IL21R: variants seen among roughly 807,000 people sequenced by gnomAD.
The protein encoded by IL21R is interleukin 21 receptor, also known as interleukin-21 receptor.
Under a neutral mutation model 41.3 loss-of-function variants are expected in IL21R, and 14 were observed. The ratio of observed to expected loss-of-function variants is 0.34; its 90% confidence interval spans 0.22 to 0.53. IL21R has a LOEUF of 0.53. Ranked by LOEUF, IL21R falls within the 20% of genes least tolerant of loss-of-function variation. The pLI is 0.94. For synonymous variants in IL21R, 286 were observed against 287.6 expected, an observed-to-expected ratio of 0.99 and a Z score of 0.05; for missense variants, 588 against 681.6, an observed-to-expected ratio of 0.86 and a Z score of 1.53.
At chr16:27,413,688 C>T (rs1375041813) in intron 1 of IL21R, among the ~76,000 whole-genome samples, 1 of 149,936 alleles carries the variant, frequency 6.7e-6, no homozygotes, top group Admixed American at 6.7e-5. Context: ...TTGTATATGT[C>T]TAGGAATTTA....
At chr16:27,442,862 G>A (rs2087413586) in intron 4 of IL21R, 100 bp from the exon 5 acceptor site, 1 of 1,134,972 alleles carries the variant, frequency 8.8e-7, no homozygotes, top group South Asian at 1.5e-5. Flanking sequence ...CAGGCATGGA[G>A]GCAGGGGTGG....
In IL21R at chr16:27,437,638, G is replaced by C; in HGVS notation, c.303G>C (p.Gln101His). The C allele has an allele frequency of 6.2e-7, 1 of 1,614,216 alleles. No individual in the cohort carries two copies. Among genetic ancestry groups the C allele is most frequent in the East Asian group, 2.2e-5 (1 of 44,882 alleles). ...TTTTCAGTGTCAACATCACAGACCA[G>C]TCTGGCAACTACTCCCAGGAGTGTG... ...DDIFSVNITD[Q>H]SGNYSQECGS... Residue 101 changes from glutamine (Q) to histidine (H), a missense_variant, in exon 4 of 9, where the codon CAG (glutamine) becomes CAC (histidine). Transcript: ENST00000337929.
chr16:27,429,648 C>T (rs1486127765), intron 1 of IL21R, among the ~76,000 whole-genome samples: 1 of 152,070 alleles, frequency 6.6e-6, no homozygotes, highest in East Asian at 1.9e-4. Flanking sequence ...GTGGCACGTG[C>T]CTTTGGTCCC....
chr16:27,403,853 A>G (rs1368603973), intron 1 of IL21R, among the ~76,000 whole-genome samples: 4 of 152,198 alleles, frequency 2.6e-5, no homozygotes, highest in Non-Finnish European at 5.9e-5. Context: ...ACCATGTTGT[A>G]GGCACTTAAG....
rs181579391 is a variant in IL21R at position 27,414,398 on chromosome 16, G to A, written c.-17+11780G>A. 7.6e-4 allele frequency among the ~76,000 whole-genome samples: 116 copies of A among 152,050 alleles called. 2 individuals carry two copies. Among genetic ancestry groups the A allele is most frequent in the African/African-American group, 2.6e-3 (106 of 41,510 alleles). On this transcript the variant is annotated intron_variant, in intron 1 of 8. Coordinates refer to ENST00000337929, the MANE Select transcript of IL21R (RefSeq NM_181078.3). ...TTACATTCCTGAAATAAACCAATGT[G>A]ATAATAATATGTTATCCATTTTTAT...
chr16:27,423,902 C>G (rs1329746006), intron 1 of IL21R, among the ~76,000 whole-genome samples: 5 of 152,146 alleles, frequency 3.3e-5, no homozygotes, highest in Admixed American at 2.6e-4. Context: ...TTAGGTCATG[C>G]CAAACTTTTT....
At chr16:27,405,233 A>G (rs1317400445) in intron 1 of IL21R, among the ~76,000 whole-genome samples, 1 of 151,940 alleles carries the variant, frequency 6.6e-6, no homozygotes, top group African/African-American at 2.4e-5. Context: ...GGGTTTCACC[A>G]TGTTGGCCAG....
At chr16:27,431,615 G>T (rs1486052548) in intron 2 of IL21R, among the ~76,000 whole-genome samples, 1 of 151,956 alleles carries the variant, frequency 6.6e-6, no homozygotes, top group Non-Finnish European at 1.5e-5. Flanking sequence ...CAAGATCAAG[G>T]CACCAGCAGT....
intron 1 of IL21R, among the ~76,000 whole-genome samples, chr16:27,403,782 C>G (rs542399370): frequency 6.6e-6 from 1 of 152,300 alleles, no homozygotes; most frequent in Non-Finnish European, 1.5e-5. Context: ...GAGCGACACA[C>G]TCAGGCTGCT....
intron 1 of IL21R, among the ~76,000 whole-genome samples, chr16:27,411,639 T>C (rs141781791): frequency 0.017 from 2,560 of 151,940 alleles, 38 homozygotes; most frequent in Non-Finnish European, 0.025. Context: ...ATTTTTGTAT[T>C]TGTTAGTAGA....
intron 1 of IL21R, among the ~76,000 whole-genome samples, chr16:27,413,589 T>TA: frequency 6.6e-6 from 1 of 151,910 alleles, no homozygotes; most frequent in African/African-American, 2.4e-5. Context: ...TTTTTTTTTT[T>TA]TCTAGGAGGT....
intron 1 of IL21R, among the ~76,000 whole-genome samples, chr16:27,404,436 G>A (rs1365259730): frequency 1.3e-5 from 2 of 152,236 alleles, no homozygotes; most frequent in African/African-American, 4.8e-5. Flanking sequence ...GTAGAGTAGG[G>A]GGTGGATACC....
chr16:27,415,186 T>C (rs1292363018), intron 1 of IL21R, among the ~76,000 whole-genome samples: 1 of 152,232 alleles, frequency 6.6e-6, no homozygotes, highest in African/African-American at 2.4e-5. Flanking sequence ...TCTCAATTAG[T>C]TCAGGTTACA....
At chr16:27,448,048 CCT>C (rs143565446) in intron 8 of IL21R, 197 of 152,830 alleles carry the variant, frequency 1.3e-3, no homozygotes, top group Admixed American at 2.7e-3. Context: ...GGTCCTGATT[CCT>C]CTCTCTCTCT....
At position 27,402,637 on chromosome 16, in the gene IL21R, T is replaced by C. The variant is rs1485657815; in HGVS notation, c.-17+19T>C. 1 of 154,246 alleles carries C rather than the reference T, an allele frequency of 6.5e-6. No individual in the cohort carries two copies. Among genetic ancestry groups the C allele is most frequent in the Non-Finnish European group, 1.4e-5 (1 of 69,226 alleles). The allele number at this position is 154,246 out of a possible 1,614,324, so 9.6% of individuals were successfully genotyped here. A position where few individuals can be genotyped will look rare whatever the true frequency, so the allele number is the denominator to read the frequency against. On this transcript the variant is annotated intron_variant, in intron 1 of 8. Coordinates refer to ENST00000337929, the MANE Select transcript of IL21R (RefSeq NM_181078.3). ...ACAGAAGGTAATTCCAGCCCTGGTT[T>C]TCTGCTGGGACCAGGGTGCCTTCTC...
At position 27,434,655 on chromosome 16, in the gene IL21R, G is replaced by C. The variant is rs576909181; in HGVS notation, c.152+206G>C. On this transcript the variant is annotated intron_variant, in intron 3 of 8. Transcript: ENST00000337929. ...GCCACTCTCTCACCCACACAGGTCG[G>C]CCATGGTTTTGAGACCCCGGGATGG... is the stretch of plus-strand genomic sequence containing the variant. 4.0e-4 allele frequency among the ~76,000 whole-genome samples: 61 copies of C among 152,162 alleles called. 1 individual carries two copies. The South Asian group carries it at 6.2e-3, about 16-fold the overall frequency.
chr16:27,404,687 T>C (rs1304979112), intron 1 of IL21R, among the ~76,000 whole-genome samples: 1 of 152,180 alleles, frequency 6.6e-6, no homozygotes, highest in Non-Finnish European at 1.5e-5. Flanking sequence ...GAACTGGAAC[T>C]GGCTTCCCAG....
Position 27,442,953 on chromosome 16 carries a change from T to C in IL21R, c.353-9T>C, listed in dbSNP as rs1294727591. On this transcript the variant is annotated splice_polypyrimidine_tract_variant and intron_variant, in intron 4 of 8. Coordinates refer to ENST00000337929, the MANE Select transcript of IL21R (RefSeq NM_181078.3). ...ACCCCATTTTCTTTTCCTGGGTTTT[T>C]CCACCAAGTCAAGCCGGCTCCCCCT... 4 of 1,569,144 alleles carry C rather than the reference T, an allele frequency of 2.5e-6. No individual in the cohort carries two copies. The Admixed American group carries it at 7.6e-5, about 30-fold the overall frequency.
Position 27,440,248 on chromosome 16 carries a change from TAGAGAGAGAGAG to T in IL21R, c.352+2582_352+2593del, listed in dbSNP as rs1217071764. On this transcript the variant is annotated intron_variant, in intron 4 of 8. Coordinates refer to ENST00000337929, the MANE Select transcript of IL21R (RefSeq NM_181078.3). ...ATATATATATATATATATATATATA[TAGAGAGAGAGAG>T]AGAGAGAGAGAGAGAGAGAGCGAGC... 6.2e-5 allele frequency among the ~76,000 whole-genome samples: 4 copies of T among 64,044 alleles called. No individual in the cohort carries two copies. The South Asian group carries it at 2.0e-3, about 32-fold the overall frequency. 42.0% of individuals were successfully genotyped at this position (64,044 alleles called of 152,430 possible). A position where few individuals can be genotyped will look rare whatever the true frequency, so the allele number is the denominator to read the frequency against.
Sources: gnomAD v4.1 joint callset for allele counts (sites outside exome capture counted in the v4.1 genomes callset) on GRCh38, gnomAD v4.1.1 for gene constraint, MANE v1.5 for transcripts, NCBI Gene and HGNC (gene_info 2026-07-23, HGNC 2026-07-21) for gene names.